The following GOT1 variants were observed in gnomAD, a reference collection of about 807,000 sequenced individuals.
GOT1 encodes the protein aspartate aminotransferase, cytoplasmic.
GOT1 carries 25 observed loss-of-function variants against 48.2 expected under a neutral mutation model. The observed-to-expected ratio is 0.52, with a 90% confidence interval of 0.38 to 0.72. The LOEUF is 0.72. Among genes scored for constraint, GOT1 ranks in the 30% least tolerant of loss-of-function variants. GOT1 has a pLI of 0.00. For synonymous variants in GOT1, 188 were observed against 193.8 expected (o/e 0.97, Z 0.25); for missense variants, 380 against 520.1 (o/e 0.73, Z 2.62).
intron 2 of GOT1, among the ~76,000 whole-genome samples, chr10:99,413,899 T>C (rs2032859724): frequency 6.6e-6 from 1 of 152,178 alleles, no homozygotes; most frequent in African/African-American, 2.4e-5. Flanking sequence ...CTGAGAGATT[T>C]TGTCACCACG....
At chr10:99,407,896 A>C (rs1004140826) in intron 2 of GOT1, among the ~76,000 whole-genome samples, 1 of 151,932 alleles carries the variant, frequency 6.6e-6, no homozygotes, top group African/African-American at 2.4e-5. Context: ...GGCACCCATC[A>C]ACCCGTCATC....
intron 1 of GOT1, among the ~76,000 whole-genome samples, chr10:99,421,632 T>C (rs2032968682): frequency 6.6e-6 from 1 of 152,214 alleles, no homozygotes; most frequent in South Asian, 2.1e-4. Flanking sequence ...TTTTTTTCCC[T>C]ACACTATTCT....
At chr10:99,421,067 T>C (rs907159464) in intron 1 of GOT1, among the ~76,000 whole-genome samples, 9 of 152,144 alleles carry the variant, frequency 5.9e-5, no homozygotes, top group Non-Finnish European at 4.4e-5. Flanking sequence ...AAAAGTAGAA[T>C]GCTGAAATAA....
intron 8 of GOT1, among the ~76,000 whole-genome samples, chr10:99,400,141 A>G (rs910496734): frequency 1.3e-5 from 2 of 152,256 alleles, no homozygotes; most frequent in African/African-American, 2.4e-5. Flanking sequence ...CTTTCCCTAG[A>G]GCAGGGCCAA....
At chr10:99,418,752 C>T (rs2032930247) in intron 2 of GOT1, among the ~76,000 whole-genome samples, 1 of 152,200 alleles carries the variant, frequency 6.6e-6, no homozygotes, top group South Asian at 2.1e-4. Context: ...ATCTGCCCAC[C>T]TTGGCCTCCC....
At chr10:99,402,753 T>C in intron 7 of GOT1, 31 bp from the exon 8 acceptor site, 1 of 1,597,910 alleles carries the variant, frequency 6.3e-7, no homozygotes, top group Non-Finnish European at 8.6e-7. Context: ...TAAATACCAA[T>C]CCAGACAGGA....
At chr10:99,426,060 C>T (rs1438079221) in intron 1 of GOT1, among the ~76,000 whole-genome samples, 1 of 152,126 alleles carries the variant, frequency 6.6e-6, no homozygotes, top group Non-Finnish European at 1.5e-5. Flanking sequence ...AAAAGTCAAA[C>T]CATTTGCCCA....
intron 2 of GOT1, among the ~76,000 whole-genome samples, chr10:99,413,001 A>C (rs1486907195): frequency 1.3e-5 from 2 of 152,262 alleles, no homozygotes; most frequent in Admixed American, 1.3e-4. Context: ...AAAACAGAGC[A>C]GAAAAACTGA....
intron 2 of GOT1, chr10:99,420,394 C>T: frequency 2.1e-6 from 1 of 479,558 alleles, no homozygotes. Context: ...GCTTCAAATG[C>T]AGTAGCTAAA....
rs1402205830 is a variant in GOT1, at chr10:99,403,811, T to C, written c.706A>G (p.Arg236Gly). 1 of 1,613,782 alleles carries C rather than the reference T, an allele frequency of 6.2e-7. No homozygotes were observed. The highest frequency in any genetic ancestry group is 1.3e-5 in the African/African-American group (1 of 74,898). The stretch of plus-strand genomic sequence containing the variant: ...AAATAGCGAATGGCCCAGGCATCTC[T>C]CTCCAGGTTTCCAGATGCGAAGCCC... ...YQGFASGNLE[R>G]DAWAIRYFVS... is the part of the protein sequence containing the mutation. The change falls in exon 6 of 9, where the codon AGA becomes GGA. Residue 236 changes from arginine (R) to glycine (G), a missense_variant. Coordinates refer to ENST00000370508, the MANE Select transcript of GOT1 (RefSeq NM_002079.3).
In GOT1 at chr10:99,405,662, A is replaced by G. The variant is rs1210536011; in HGVS notation, c.642+94T>C. The G allele has an allele frequency of 1.2e-5, 8 of 688,502 alleles. No homozygotes were observed. The Admixed American group carries it at 1.8e-4, about 16-fold the overall frequency. 42.6% of individuals were successfully genotyped at this position (688,502 alleles called of 1,614,324 possible). On this transcript the variant is annotated intron_variant, in intron 5 of 8. Transcript: ENST00000370508. ...TCTTTGGACTTTTCTCCATTTTCCT[A>G]ATTCCTCAGCAAACAGCAAACAGGT... is the stretch of plus-strand genomic sequence containing the variant.
chr10:99,429,976 G>T (rs2033094319), intron 1 of GOT1, among the ~76,000 whole-genome samples: 1 of 152,000 alleles, frequency 6.6e-6, no homozygotes, highest in Non-Finnish European at 1.5e-5. Flanking sequence ...CCCCTACAAA[G>T]CTTAATAAGG....
chr10:99,403,586 A>G lies in GOT1; in HGVS notation c.842T>C (p.Ile281Thr). ...LTVVGKEPES[I>T]LQVLSQMEKI... ...CTCCATCTGGGAAAGGACTTGCAGG[A>G]TGCTCTCAGGTTCTTTTCCAACCAC... The change falls in exon 7 of 9, where the codon ATC becomes ACC. Residue 281 changes from isoleucine (I) to threonine (T), a missense_variant. Ile to Thr is a moderately conservative substitution (Grantham distance 89). Coordinates refer to ENST00000370508, the MANE Select transcript of GOT1 (RefSeq NM_002079.3). 1 of 1,614,082 alleles carries G rather than the reference A, an allele frequency of 6.2e-7. No individual in the cohort carries two copies. Among genetic ancestry groups the G allele is most frequent in the African/African-American group, 1.3e-5 (1 of 75,012 alleles).
intron 3 of GOT1, 82 bp downstream of exon 3, chr10:99,406,644 A>T: frequency 7.1e-7 from 1 of 1,410,340 alleles, no homozygotes; most frequent in Non-Finnish European, 9.9e-7. Flanking sequence ...GCTGGATTAC[A>T]TTTTCTGTGT....
At chr10:99,427,400 C>G (rs2033053073) in intron 1 of GOT1, among the ~76,000 whole-genome samples, 1 of 152,336 alleles carries the variant, frequency 6.6e-6, no homozygotes, top group South Asian at 2.1e-4. Context: ...TCCCGTGTAG[C>G]TGGGACTGCA....
Position 99,405,850 on chromosome 10 carries a change from T to C in GOT1, c.548A>G (p.Glu183Gly), listed in dbSNP as rs142860219. The change falls in exon 5 of 9, where the codon GAG (glutamate) becomes GGG (glycine). Residue 183 changes from glutamate to glycine, a missense_variant. Glu to Gly is a moderately conservative substitution (Grantham distance 98). Coordinates refer to ENST00000370508, the MANE Select transcript of GOT1 (RefSeq NM_002079.3). The stretch of plus-strand genomic sequence containing the variant: ...GGCGTGGAGGACAACAATGGAGAAC[T>C]CAGGAGCATTCTGAGGAGAAGGAAG... Reference protein sequence around the residue: ...GFLNDLENAPEFSIVVLHACA... With the variant: ...GFLNDLENAPGFSIVVLHACA... The C allele has an allele frequency of 6.0e-4, 959 of 1,591,432 alleles. 5 individuals are homozygous for C. In the Admixed American group the frequency reaches 0.014, roughly 23 times the overall value.
chr10:99,426,073 A>G (rs11190087), intron 1 of GOT1, among the ~76,000 whole-genome samples: 69,267 of 152,040 alleles, frequency 0.46, 18,387 homozygotes, highest in Non-Finnish European at 0.59. Context: ...TTTGCCCAGG[A>G]TCACAGAGAT....
intron 2 of GOT1, among the ~76,000 whole-genome samples, chr10:99,418,625 C>T (rs1281615936): frequency 1.3e-5 from 2 of 151,968 alleles, no homozygotes; most frequent in Non-Finnish European, 2.9e-5. Context: ...CCTCAGTCTC[C>T]CAAGTACCTG....
chr10:99,408,118 T>C (rs1158155164), intron 2 of GOT1, among the ~76,000 whole-genome samples: 2 of 152,144 alleles, frequency 1.3e-5, no homozygotes, highest in East Asian at 1.9e-4. Context: ...GTATACTCAA[T>C]GCCCACATGC....
Sources: allele counts gnomAD v4.1 joint callset (sites outside exome capture counted in the v4.1 genomes callset), GRCh38; gene constraint gnomAD v4.1.1; transcripts MANE v1.5; gene names NCBI Gene and HGNC (gene_info 2026-07-23, HGNC 2026-07-21).